The following HDAC4 variants were observed in gnomAD, a reference collection of about 807,000 sequenced individuals.
The protein encoded by HDAC4 is histone deacetylase 4.
In HDAC4, 16 loss-of-function variants were observed where a neutral mutation model predicts 135.1. That is an observed-to-expected ratio of 0.12 (90% CI 0.08 to 0.18). The LOEUF is 0.18. Among genes scored for constraint, HDAC4 ranks in the 10% least tolerant of loss-of-function variants. The pLI, the probability that HDAC4 is intolerant of heterozygous loss-of-function variation, is 1.00. For synonymous variants in HDAC4, 685 were observed against 653.4 expected (o/e 1.05, Z -0.74); for missense variants, 1,143 against 1,511.8 (o/e 0.76, Z 4.05).
At chr2:239,106,626 T>C (rs1218411760) in intron 15 of HDAC4, among the ~76,000 whole-genome samples, 1 of 152,224 alleles carries the variant, frequency 6.6e-6, no homozygotes, top group Non-Finnish European at 1.5e-5. Context: ...GTCCTGGGCC[T>C]GACTTTTAGA....
chr2:239,158,386 A>G (rs769019124), intron 6 of HDAC4, among the ~76,000 whole-genome samples: 2 of 152,312 alleles, frequency 1.3e-5, no homozygotes, highest in Admixed American at 6.5e-5. Flanking sequence ...ATAATAATAA[A>G]TTTAAATAAA....
intron 24 of HDAC4, among the ~76,000 whole-genome samples, chr2:239,065,351 G>C (rs1296358713): frequency 6.6e-6 from 1 of 152,246 alleles, no homozygotes; most frequent in Non-Finnish European, 1.5e-5. Context: ...ACTGACCCGA[G>C]GGCATCTGAG....
intron 23 of HDAC4, among the ~76,000 whole-genome samples, chr2:239,067,796 G>T (rs918199558): frequency 6.6e-6 from 1 of 152,344 alleles, no homozygotes; most frequent in East Asian, 1.9e-4. Flanking sequence ...TGTGCCGACA[G>T]GAGTGGGGAG....
At chr2:239,391,685 A>G (rs973185397) in intron 1 of HDAC4, among the ~76,000 whole-genome samples, 3 of 152,210 alleles carry the variant, frequency 2.0e-5, no homozygotes, top group African/African-American at 7.2e-5. Flanking sequence ...AACACAGGAC[A>G]TCACTGCAAA....
At chr2:239,165,245 A>C (rs2043054228) in intron 5 of HDAC4, among the ~76,000 whole-genome samples, 1 of 152,042 alleles carries the variant, frequency 6.6e-6, no homozygotes, top group African/African-American at 2.4e-5. Flanking sequence ...AAGAAAAACG[A>C]AACTTCTCTA....
At chr2:239,159,021 A>G (rs2042604327) in intron 6 of HDAC4, among the ~76,000 whole-genome samples, 1 of 150,446 alleles carries the variant, frequency 6.6e-6, no homozygotes, top group Admixed American at 6.6e-5. Flanking sequence ...CCTGCACCTC[A>G]CACTATTCAC....
chr2:239,092,066 G>A (rs919617675), intron 17 of HDAC4, among the ~76,000 whole-genome samples: 6 of 151,996 alleles, frequency 3.9e-5, no homozygotes, highest in Admixed American at 2.0e-4. Context: ...GCCAGACTCC[G>A]TCTCAAAAAC....
intron 17 of HDAC4, among the ~76,000 whole-genome samples, chr2:239,090,525 C>G (rs2036411699): frequency 7.1e-6 from 1 of 141,744 alleles, no homozygotes; most frequent in Non-Finnish European, 1.5e-5. Flanking sequence ...CGAAATACTA[C>G]AAAAGCATTT....
rs569838858 is a variant in HDAC4, at chr2:239,067,153, C to A, written c.2870-298G>T. Among the ~76,000 whole-genome samples the A allele has an allele frequency of 3.2e-3, 486 of 152,362 alleles. 4 individuals carry two copies. The highest frequency in any genetic ancestry group is 0.01 in the South Asian group (49 of 4,834). ...AGGCTGCAGGCCACCTGCCCTTCGG[C>A]CCCCGCAGAGGGGCTATGGCCATGC... is the stretch of plus-strand genomic sequence containing the variant. On this transcript the variant is annotated intron_variant, in intron 23 of 26. Transcript: ENST00000543185.
intron 22 of HDAC4, among the ~76,000 whole-genome samples, chr2:239,078,833 C>T (rs986888983): frequency 6.6e-6 from 1 of 152,180 alleles, no homozygotes; most frequent in Admixed American, 6.5e-5. Flanking sequence ...CACTGAGAAA[C>T]GCCTATGGGG....
chr2:239,076,228 G>C (rs1472219810), intron 22 of HDAC4, among the ~76,000 whole-genome samples: 5 of 151,918 alleles, frequency 3.3e-5, no homozygotes, highest in South Asian at 4.2e-4. Context: ...ACGCCCCTCG[G>C]CTTCCCAGGG....
intron 6 of HDAC4, among the ~76,000 whole-genome samples, chr2:239,162,904 T>A (rs1252837991): frequency 2.6e-5 from 4 of 152,116 alleles, no homozygotes; most frequent in African/African-American, 9.7e-5. Context: ...GAATAGCTAT[T>A]TTTTTTCCAA....
In HDAC4 at chr2:239,111,625, C is replaced by A. The variant is rs751036443; in HGVS notation, c.1879G>T (p.Gly627Cys). 6 of 1,609,892 alleles carry A rather than the reference C, an allele frequency of 3.7e-6. No individual in the cohort carries two copies. In the East Asian group the frequency reaches 8.9e-5, roughly 24 times the overall value. ...GCCCGGGACAGAGGCCTGTGGCCGCCGAAGGACACGGGGATGCCGGCGGCC... is the reference window on the plus strand; with the variant it reads ...GCCCGGGACAGAGGCCTGTGGCCGCAGAAGGACACGGGGATGCCGGCGGCC... ...MEAAGIPVSF[G>C]GHRPLSRAQS... Residue 627 changes from glycine to cysteine, a missense_variant, in exon 14 of 27, where the codon GGC becomes TGC. Around this residue, in one of 9 missense-constraint regions of HDAC4, gnomAD observed 196 missense variants for 210.7 expected, o/e 0.93. Coordinates refer to ENST00000543185, the MANE Select transcript of HDAC4 (RefSeq NM_001378414.1).
intron 2 of HDAC4, among the ~76,000 whole-genome samples, chr2:239,250,777 G>A (rs556774085): frequency 1.4e-4 from 22 of 152,332 alleles, no homozygotes; most frequent in African/African-American, 4.1e-4. Flanking sequence ...GTTCCAGCCA[G>A]AAGCCCGCTG....
At chr2:239,395,692 A>T (rs866558922) in intron 1 of HDAC4, among the ~76,000 whole-genome samples, 117 of 152,178 alleles carry the variant, frequency 7.7e-4, no homozygotes, top group Non-Finnish European at 1.4e-3. Context: ...ACTGCTCCAG[A>T]CCCCGCCTTT....
intron 3 of HDAC4, among the ~76,000 whole-genome samples, chr2:239,216,326 AT>A (rs2046636332): frequency 1.3e-5 from 2 of 150,076 alleles, no homozygotes; most frequent in South Asian, 4.2e-4. Flanking sequence ...AAAAAAAAAA[AT>A]AAAAGAAAAA....
intron 6 of HDAC4, chr2:239,162,322 CCAGGCCCCAGGCCCACCCTG>C (rs1211278740): frequency 2.2e-6 from 1 of 456,612 alleles, no homozygotes; most frequent in Non-Finnish European, 4.4e-6. Flanking sequence ...CCATCCTCCG[CCAGGCCCCAGGCCCACCCTG>C]CCCCTGGCTC....
intron 2 of HDAC4, among the ~76,000 whole-genome samples, chr2:239,333,649 A>G (rs866048116): frequency 9.9e-5 from 15 of 152,222 alleles, no homozygotes; most frequent in Admixed American, 2.6e-4. Context: ...GCATAAGACT[A>G]TTAACAGATG....
chr2:239,290,504 T>G (rs2051400807), intron 2 of HDAC4, among the ~76,000 whole-genome samples: 1 of 152,008 alleles, frequency 6.6e-6, no homozygotes, highest in African/African-American at 2.4e-5. Context: ...CAAGAGAGTT[T>G]TGGAGAGAAA....
Sources: gnomAD v4.1 joint callset for allele counts (sites outside exome capture counted in the v4.1 genomes callset) on GRCh38, gnomAD v4.1.1 for gene constraint, gnomAD v4.1.1 regional missense constraint, MANE v1.5 for transcripts, NCBI Gene and HGNC (gene_info 2026-07-23, HGNC 2026-07-21) for gene names.